Variants in PIR observed in about 807,000 individuals in gnomAD.
The protein encoded by PIR is pirin (iron-binding nuclear protein).
Under a neutral mutation model 24.2 loss-of-function variants are expected in PIR, and 22 were observed. The observed-to-expected ratio is 0.91, with a 90% CI of 0.65 to 1.30. The LOEUF is 1.30. Among genes scored for constraint, PIR ranks in the 50% most tolerant of loss-of-function variants. The pLI is 0.00. For missense variants in PIR, 220 were observed against 220.3 expected (o/e 1.00, Z 0.01); for synonymous variants, 80 against 79.6 (o/e 1.00, Z -0.03).
chrX:15,475,658 C>T (rs1030291958), intron 3 of PIR, among the ~76,000 whole-genome samples: 1 of 112,218 alleles, frequency 8.9e-6, no homozygotes, highest in African/African-American at 3.2e-5. Context: ...TCGAGCTAAA[C>T]TTTAGCGGGA....
In PIR at chrX:15,467,960, G is replaced by A. The variant is rs189666051; in HGVS notation, c.190-8220C>T. Among the ~76,000 whole-genome samples the A allele has an allele frequency of 5.5e-3, 618 of 111,792 alleles. 6 individuals are homozygous for A. Among genetic ancestry groups the A allele is most frequent in the African/African-American group, 0.02 (601 of 30,743 alleles). On this transcript the variant is annotated intron_variant, in intron 3 of 9. Coordinates refer to ENST00000380420, the MANE Select transcript of PIR (RefSeq NM_001018109.3). ...GAATCTCTTCAGACAAGCTATGCCT[G>A]GGTCGCCATGTAATCAGCAGCCCAA...
At chrX:15,435,706 T>C (rs190748393) in intron 5 of PIR, among the ~76,000 whole-genome samples, 1 of 112,107 alleles carries the variant, frequency 8.9e-6, no homozygotes, top group Non-Finnish European at 1.9e-5. Context: ...GTCTCTGCAC[T>C]ACCATACACA....
At chrX:15,396,947 A>G (rs1444634047) in intron 8 of PIR, among the ~76,000 whole-genome samples, 4 of 111,501 alleles carry the variant, frequency 3.6e-5, no homozygotes, top group South Asian at 3.8e-4. Flanking sequence ...TCACCGTGTT[A>G]GCCAGGATGG....
intron 6 of PIR, 62 bp from the exon 7 acceptor site, chrX:15,407,612 A>G: frequency 1.2e-6 from 1 of 804,401 alleles, no homozygotes; most frequent in Non-Finnish European, 1.9e-6. Flanking sequence ...ACAAAGACAT[A>G]TACGTATTAC....
At chrX:15,460,473 G>A (rs1002686855) in intron 3 of PIR, among the ~76,000 whole-genome samples, 1 of 111,527 alleles carries the variant, frequency 9.0e-6, no homozygotes, top group Non-Finnish European at 1.9e-5. Flanking sequence ...TATGCTAAGT[G>A]AAATAAGCCA....
At chrX:15,455,466 G>A (rs757125580) in intron 5 of PIR, among the ~76,000 whole-genome samples, 7 of 112,525 alleles carry the variant, frequency 6.2e-5, no homozygotes, top group East Asian at 5.6e-4. Context: ...GTGAAGTGGA[G>A]TTTAGTCTTG....
At position 15,491,296 on chromosome X, in the gene PIR, T is replaced by C. The variant is rs370903782; in HGVS notation, c.-39A>G. ...AAGAGAGTGTTCTGATGCTGAGCTGTAGAGGATGGAGGGCTAAAGGAAGGA... is the reference window on the plus strand; with the variant it reads ...AAGAGAGTGTTCTGATGCTGAGCTGCAGAGGATGGAGGGCTAAAGGAAGGA... On this transcript the variant is annotated 5_prime_UTR_variant, in exon 2 of 10. Transcript: ENST00000380420. 9.5e-6 allele frequency: 9 copies of C among 947,643 alleles called. No homozygotes were observed. Among genetic ancestry groups the C allele is most frequent in the Non-Finnish European group, 1.2e-5 (8 of 670,073 alleles). The allele number at this position is 947,643 out of a possible 1,213,427, so 78.1% of individuals were successfully genotyped here. A position where few individuals can be genotyped will look rare whatever the true frequency, so the allele number is the denominator to read the frequency against.
chrX:15,434,584 G>A (rs748712420), intron 5 of PIR, among the ~76,000 whole-genome samples: 2 of 111,136 alleles, frequency 1.8e-5, no homozygotes, highest in African/African-American at 3.3e-5. Flanking sequence ...GAACATCAAG[G>A]AGGTAGGACA....
At chrX:15,425,686 T>A (rs1925289493) in intron 6 of PIR, among the ~76,000 whole-genome samples, 1 of 111,979 alleles carries the variant, frequency 8.9e-6, no homozygotes, top group East Asian at 2.8e-4. Context: ...GTGGGATTAC[T>A]GGCGTGAGCC....
chrX:15,400,201 C>T (rs865979149), intron 7 of PIR, among the ~76,000 whole-genome samples: 4 of 111,773 alleles, frequency 3.6e-5, no homozygotes, highest in Non-Finnish European at 3.8e-5. Flanking sequence ...TGATTTTCCA[C>T]TTATGCAGGG....
At chrX:15,466,018 T>G (rs1160890805) in intron 3 of PIR, among the ~76,000 whole-genome samples, 11 of 99,878 alleles carry the variant, frequency 1.1e-4, no homozygotes, top group Admixed American at 3.3e-4. Flanking sequence ...TTTTTTTTTT[T>G]TTTTTTTTTT....
chrX:15,470,576 TTTTCTTTCTTTC>T (rs1250260776), intron 3 of PIR, among the ~76,000 whole-genome samples: 17 of 87,495 alleles, frequency 1.9e-4, no homozygotes, highest in Non-Finnish European at 3.9e-4. Context: ...CCCACTCAAT[TTTTCTTTCTTTC>T]TTTCTTTCTT....
At chrX:15,453,764 C>G (rs1355686828) in intron 5 of PIR, among the ~76,000 whole-genome samples, 1 of 111,771 alleles carries the variant, frequency 8.9e-6, no homozygotes, top group Non-Finnish European at 1.9e-5. Flanking sequence ...CTTGAAAGTG[C>G]TTTACTGGCT....
chrX:15,463,815 T>C (rs1322117861), intron 3 of PIR, among the ~76,000 whole-genome samples: 1 of 112,331 alleles, frequency 8.9e-6, no homozygotes, highest in Non-Finnish European at 1.9e-5. Flanking sequence ...TTAGAACAAA[T>C]GACCATATGA....
chrX:15,384,980 C>A lies in PIR; in HGVS notation c.*24G>T. 1 of 889,846 alleles carries A rather than the reference C, an allele frequency of 1.1e-6. No individual in the cohort carries two copies. The highest frequency in any genetic ancestry group is 1.7e-6 in the Non-Finnish European group (1 of 604,410). The allele number at this position is 889,846 out of a possible 1,213,427, so 73.3% of individuals were successfully genotyped here. A position where few individuals can be genotyped will look rare whatever the true frequency, so the allele number is the denominator to read the frequency against. ...GAAATGGCAAAATTCTAGGACACAT[C>A]AAGACCTGCTCTTCCGCTTTCCACT... On this transcript the variant is annotated 3_prime_UTR_variant, in exon 10 of 10. Coordinates refer to ENST00000380420, the MANE Select transcript of PIR (RefSeq NM_001018109.3).
At chrX:15,441,589 C>T (rs751637702) in intron 5 of PIR, among the ~76,000 whole-genome samples, 4 of 110,897 alleles carry the variant, frequency 3.6e-5, no homozygotes, top group South Asian at 7.7e-4. Context: ...AGGGAATGTT[C>T]GAAGGAGCCT....
rs1453112002 is a variant in PIR, at chrX:15,459,713, T to C, written c.217A>G (p.Met73Val). 1 of 1,186,725 alleles carries C rather than the reference T, an allele frequency of 8.4e-7. No homozygotes were observed. Among genetic ancestry groups the C allele is most frequent in the Non-Finnish European group, 1.1e-6 (1 of 874,642 alleles). ...TVSYLLEGGSMAHEDFCGHTG... is the reference protein window; with the variant it reads ...TVSYLLEGGSVAHEDFCGHTG... ...TGTCCACAGAAGTCTTCATGGGCCA[T>C]GCTGCCCCCTTCCAGGAGGTAGGAT... The change falls in exon 4 of 10, where the codon ATG becomes GTG. Residue 73 changes from methionine to valine, a missense_variant. By Grantham distance (21) the Met-to-Val change is conservative. Transcript: ENST00000380420.
chrX:15,466,275 C>T (rs1015957482), intron 3 of PIR, among the ~76,000 whole-genome samples: 1 of 111,745 alleles, frequency 8.9e-6, no homozygotes, highest in Non-Finnish European at 1.9e-5. Context: ...ACCCCACATA[C>T]GCACCTTCAC....
At position 15,479,735 on chromosome X, in the gene PIR, A is replaced by G; in HGVS notation, c.183T>C (p.Phe61=). 8.9e-7 allele frequency: 1 copy of G among 1,129,774 alleles called. No individual in the cohort carries two copies. The highest frequency in any genetic ancestry group is 1.2e-6 in the Non-Finnish European group (1 of 828,970). The allele number at this position is 1,129,774 out of a possible 1,213,427, so 93.1% of individuals were successfully genotyped here. The part of the protein sequence containing the change: ...GGFPDHPHRG[F]ETVSYLLEGG... ...GTCAAATTATTGTACTTACTGTTTC[A>G]AAACCTCGATGTGGATGATCAGGAA... Residue 61 remains phenylalanine, a synonymous_variant, in exon 3 of 10, where the codon TTT becomes TTC. Coordinates refer to ENST00000380420, the MANE Select transcript of PIR (RefSeq NM_001018109.3).
Sources: allele counts gnomAD v4.1 joint callset (sites outside exome capture counted in the v4.1 genomes callset), GRCh38; gene constraint gnomAD v4.1.1; transcripts MANE v1.5; gene names NCBI Gene and HGNC (gene_info 2026-07-23, HGNC 2026-07-21).